RNF216: variants seen among roughly 807,000 people sequenced by gnomAD.
The protein encoded by RNF216 is ring finger protein 216, also known as E3 ubiquitin-protein ligase RNF216.
In RNF216, 72 loss-of-function variants were observed where a neutral mutation model predicts 110.8. The ratio of observed to expected loss-of-function variants is 0.65; its 90% CI spans 0.54 to 0.79. The LOEUF (loss-of-function observed/expected upper bound fraction) is 0.79. RNF216 is among the 30% of genes least tolerant of loss of function. The pLI, the probability that RNF216 is intolerant of heterozygous loss-of-function variation, is 0.00. For synonymous variants in RNF216, 495 were observed against 407.5 expected (o/e 1.21, Z -2.59); for missense variants, 1,342 against 1,141.2 (o/e 1.18, Z -2.54).
chr7:5,714,290 C>A (rs1562420971), intron 11 of RNF216, among the ~76,000 whole-genome samples: 1 of 151,730 alleles, frequency 6.6e-6, no homozygotes, highest in Non-Finnish European at 1.5e-5. Flanking sequence ...TGGAGTTTCA[C>A]TCTTGTTGCC....
chr7:5,668,727 C>T (rs1789697121), intron 13 of RNF216, among the ~76,000 whole-genome samples: 1 of 152,168 alleles, frequency 6.6e-6, no homozygotes, highest in African/African-American at 2.4e-5. Flanking sequence ...AGATCCCAGT[C>T]CCGAGGAAGA....
chr7:5,754,488 G>A (rs932634538), intron 2 of RNF216, among the ~76,000 whole-genome samples: 3 of 152,014 alleles, frequency 2.0e-5, no homozygotes, highest in Admixed American at 6.6e-5. Flanking sequence ...TTAAGGATGA[G>A]GAGTTGCCAA....
intron 1 of RNF216, among the ~76,000 whole-genome samples, chr7:5,763,098 T>TATGAGAGTA (rs1213786943): frequency 3.9e-5 from 6 of 152,040 alleles, no homozygotes; most frequent in Non-Finnish European, 8.8e-5. Context: ...AATGGACTCA[T>TATGAGAGTA]ATGAGAGTAA....
intron 15 of RNF216, among the ~76,000 whole-genome samples, chr7:5,638,310 A>G (rs2086341607): frequency 6.6e-6 from 1 of 152,120 alleles, no homozygotes. Context: ...GTTTTTTGGG[A>G]TATTTAAATG....
Position 5,622,720 on chromosome 7 carries a change from A to G in RNF216, c.*140T>C. 1.3e-6 allele frequency: 1 copy of G among 797,674 alleles called. No individual in the cohort carries two copies. The highest frequency in any genetic ancestry group is 2.0e-6 in the Non-Finnish European group (1 of 502,452). 49.4% of individuals were successfully genotyped at this position (797,674 alleles called of 1,614,324 possible). On this transcript the variant is annotated 3_prime_UTR_variant, in exon 17 of 17. Coordinates refer to ENST00000389902, the MANE Select transcript of RNF216 (RefSeq NM_207111.4). Reference sequence around the variant, plus strand: ...TTCCAGGAGCAGTAGCCCTTCTAGGAAAGGGGTGGGAAGAAAACCAGCCTA... The same window carrying G: ...TTCCAGGAGCAGTAGCCCTTCTAGGGAAGGGGTGGGAAGAAAACCAGCCTA...
At chr7:5,712,605 G>A (rs1792780680) in intron 12 of RNF216, 110 bp downstream of exon 12, 1 of 1,091,548 alleles carries the variant, frequency 9.2e-7, no homozygotes. Flanking sequence ...AGCAAGAAAT[G>A]TCAAAAAACC....
intron 1 of RNF216, among the ~76,000 whole-genome samples, chr7:5,771,502 G>C (rs1796491763): frequency 6.6e-6 from 1 of 152,086 alleles, no homozygotes; most frequent in Non-Finnish European, 1.5e-5. Context: ...TAACTGAAAA[G>C]AAAAAGAATC....
At chr7:5,706,328 C>G (rs961410422) in intron 13 of RNF216, among the ~76,000 whole-genome samples, 19 of 152,014 alleles carry the variant, frequency 1.2e-4, no homozygotes. Flanking sequence ...TACAGCTGAT[C>G]TCTAAACAAC....
At chr7:5,731,798 T>C (rs1010564744) in intron 5 of RNF216, among the ~76,000 whole-genome samples, 4 of 149,950 alleles carry the variant, frequency 2.7e-5, no homozygotes, top group Admixed American at 6.6e-5. Flanking sequence ...ATGTCAATAG[T>C]AAGGCCTGTA....
intron 13 of RNF216, among the ~76,000 whole-genome samples, chr7:5,672,583 C>T (rs1562811860): frequency 6.6e-6 from 1 of 152,170 alleles, no homozygotes; most frequent in Non-Finnish European, 1.5e-5. Context: ...ATTCATAAAA[C>T]ACATGTTGAA....
chr7:5,726,834 G>A (rs1238670047), intron 7 of RNF216, among the ~76,000 whole-genome samples: 1 of 151,454 alleles, frequency 6.6e-6, no homozygotes, highest in African/African-American at 2.4e-5. Context: ...CTCCAGCCTA[G>A]GCGACAGAGC....
At chr7:5,723,570 C>A (rs183511254) in intron 8 of RNF216, among the ~76,000 whole-genome samples, 2,656 of 152,014 alleles carry the variant, frequency 0.017, 31 homozygotes, top group Middle Eastern at 0.037. Flanking sequence ...TGGCGTGAAC[C>A]CAGGAGGCGG....
intron 13 of RNF216, among the ~76,000 whole-genome samples, chr7:5,661,571 G>C (rs899686563): frequency 6.6e-6 from 1 of 152,194 alleles, no homozygotes. Context: ...GGGAGGCCGA[G>C]TAGGGTGGAT....
chr7:5,656,517 C>T (rs562437094), intron 13 of RNF216, among the ~76,000 whole-genome samples: 15 of 152,210 alleles, frequency 9.9e-5, no homozygotes, highest in African/African-American at 3.4e-4. Context: ...CGGAGTTCAC[C>T]GTCATCCCAA....
intron 15 of RNF216, among the ~76,000 whole-genome samples, chr7:5,625,996 G>A (rs1349729308): frequency 1.3e-5 from 2 of 152,334 alleles, no homozygotes; most frequent in South Asian, 2.1e-4. Context: ...GAGCCTCCTT[G>A]CTGCTGCCTG....
intron 9 of RNF216, among the ~76,000 whole-genome samples, chr7:5,717,356 AAAAC>A (rs1202865290): frequency 9.9e-5 from 15 of 152,206 alleles, no homozygotes; most frequent in African/African-American, 2.9e-4. Flanking sequence ...TCCATCTCAA[AAAAC>A]AAACAAACAT....
intron 1 of RNF216, among the ~76,000 whole-genome samples, chr7:5,773,805 G>C (rs1313789853): frequency 6.6e-6 from 1 of 152,158 alleles, no homozygotes; most frequent in Admixed American, 6.6e-5. Flanking sequence ...TGACTTCAGT[G>C]ATCTGCCTGC....
At chr7:5,714,934 G>C (rs1408060214) in intron 11 of RNF216, 119 bp downstream of exon 11, 1 of 842,944 alleles carries the variant, frequency 1.2e-6, no homozygotes, top group East Asian at 2.5e-5. Flanking sequence ...GTACACATAA[G>C]CATACCAGCA....
chr7:5,648,307 A>C (rs1788172371), intron 14 of RNF216, among the ~76,000 whole-genome samples: 2 of 151,550 alleles, frequency 1.3e-5, no homozygotes. Flanking sequence ...AGGTTTCTCC[A>C]TGTTGGTCAG....
Sources: allele counts gnomAD v4.1 joint callset (sites outside exome capture counted in the v4.1 genomes callset), GRCh38; gene constraint gnomAD v4.1.1; transcripts MANE v1.5; gene names NCBI Gene and HGNC (gene_info 2026-07-23, HGNC 2026-07-21).